DAB1: variants seen among roughly 807,000 people sequenced by gnomAD.
DAB1 encodes disabled homolog 1.
Under a neutral mutation model 64.6 loss-of-function variants are expected in DAB1, and 15 were observed. The ratio of observed to expected loss-of-function variants is 0.23; its 90% CI spans 0.16 to 0.36. The LOEUF is 0.36. DAB1 is among the 10% of genes least tolerant of loss of function. DAB1 has a pLI of 1.00. For missense variants in DAB1, 596 were observed against 706.7 expected, an observed-to-expected ratio of 0.84 and a Z score of 1.78; for synonymous variants, 235 against 251.9, an observed-to-expected ratio of 0.93 and a Z score of 0.64.
chr1:57,930,381 T>G (rs1644937489), intron 5 of DAB1, among the ~76,000 whole-genome samples: 1 of 152,224 alleles, frequency 6.6e-6, no homozygotes, highest in African/African-American at 2.4e-5. Context: ...CCTCACCATA[T>G]AAATGTTAGA....
intron 2 of DAB1, among the ~76,000 whole-genome samples, chr1:57,148,885 G>A (rs1220758057): frequency 1.3e-5 from 2 of 152,166 alleles, no homozygotes; most frequent in African/African-American, 4.8e-5. Context: ...CCATTTTAAA[G>A]TATAGAATCC....
chr1:58,210,726 C>T (rs1355920151), intron 4 of DAB1, among the ~76,000 whole-genome samples: 1 of 152,116 alleles, frequency 6.6e-6, no homozygotes, highest in East Asian at 1.9e-4. Flanking sequence ...TGTGCCAGTA[C>T]TTGTATTGAG....
At chr1:57,002,422 A>C (rs149572849) in intron 14 of DAB1, among the ~76,000 whole-genome samples, 1 of 152,348 alleles carries the variant, frequency 6.6e-6, no homozygotes, top group African/African-American at 2.4e-5. Context: ...ATTTGGGCTT[A>C]AGGTAAGTAA....
intron 2 of DAB1, among the ~76,000 whole-genome samples, chr1:57,197,307 G>C (rs1664703356): frequency 6.7e-6 from 1 of 148,506 alleles, no homozygotes; most frequent in Non-Finnish European, 1.5e-5. Context: ...TAGTGCCACT[G>C]CACTCCAGTC....
chr1:57,893,851 C>G (rs1440608227), intron 5 of DAB1, among the ~76,000 whole-genome samples: 1 of 152,118 alleles, frequency 6.6e-6, no homozygotes, highest in African/African-American at 2.4e-5. Context: ...AACTGGTGAT[C>G]AATACCTTTG....
intron 4 of DAB1, among the ~76,000 whole-genome samples, chr1:58,277,856 A>G (rs1557720990): frequency 6.6e-6 from 1 of 152,160 alleles, no homozygotes; most frequent in African/African-American, 2.4e-5. Flanking sequence ...CATGCTATCA[A>G]CATAACCCCC....
intron 2 of DAB1, among the ~76,000 whole-genome samples, chr1:57,257,735 C>G (rs1669875882): frequency 6.6e-6 from 1 of 152,190 alleles, no homozygotes; most frequent in South Asian, 2.1e-4. Context: ...GGGCCATACT[C>G]CCTCTGGGGG....
chr1:57,246,535 C>G lies in DAB1; in HGVS notation c.67+44429G>C, dbSNP rs541736571. Among the ~76,000 whole-genome samples, 8 of 152,314 alleles carry G rather than the reference C, an allele frequency of 5.3e-5. 1 individual carries two copies. In the South Asian group the frequency reaches 1.7e-3, roughly 32 times the overall value. On this transcript the variant is annotated intron_variant, in intron 2 of 14. Transcript: ENST00000371236. ...CAGGGACGGAGATCTCATGAAGAAC[C>G]TAGTGCAGAGGGAAAAAGTGGGGTT... is the stretch of plus-strand genomic sequence containing the variant.
At chr1:57,244,065 CTT>C (rs10596637) in intron 2 of DAB1, among the ~76,000 whole-genome samples, 84,388 of 151,768 alleles carry the variant, frequency 0.56, 24,016 homozygotes, top group Admixed American at 0.67. Context: ...CCTGGGAAAA[CTT>C]TTTATTTCCC....
chr1:58,125,657 G>C (rs1427345789), intron 5 of DAB1, among the ~76,000 whole-genome samples: 2 of 151,984 alleles, frequency 1.3e-5, no homozygotes, highest in Non-Finnish European at 2.9e-5. Flanking sequence ...TATTGCCCAG[G>C]CTGGTCTTGA....
intron 7 of DAB1, among the ~76,000 whole-genome samples, chr1:57,506,431 A>G (rs529953851): frequency 2.5e-4 from 38 of 152,360 alleles, no homozygotes; most frequent in African/African-American, 9.1e-4. Context: ...GTTTTACCAC[A>G]TGGGGTGAAG....
In DAB1 at chr1:57,291,170, C is replaced by G; in HGVS notation, c.-136-4G>C. 1 of 466,284 alleles carries G rather than the reference C, an allele frequency of 2.1e-6. No homozygotes were observed. Among genetic ancestry groups the G allele is most frequent in the South Asian group, 5.4e-5 (1 of 18,690 alleles). The allele number at this position is 466,284 out of a possible 1,614,324, so 28.9% of individuals were successfully genotyped here. On this transcript the variant is annotated splice_polypyrimidine_tract_variant and splice_region_variant and intron_variant, in intron 1 of 14. Coordinates refer to ENST00000371236, the MANE Select transcript of DAB1 (RefSeq NM_001365792.1). ...TTTCATTCACTCTTTTTGAGTGCTG[C>G]AAATCAAGGCAAGAGAACATTCAGA...
exon 2 of DAB1, chr1:58,527,316 T>C (rs1646367761): frequency 5.7e-6 from 5 of 872,196 alleles, no homozygotes; most frequent in East Asian, 2.4e-5. Context: ...TTTTCTGCTG[T>C]ATGGTCTATT....
At chr1:57,446,593 C>T (rs573807568) in intron 7 of DAB1, among the ~76,000 whole-genome samples, 33 of 93,822 alleles carry the variant, frequency 3.5e-4, no homozygotes, top group African/African-American at 1.2e-3. Context: ...AGCAAAACTC[C>T]GTTGCAAAAA....
intron 2 of DAB1, among the ~76,000 whole-genome samples, chr1:58,518,354 G>GAAGAGAAGAGAAGAGAAGAGAAGA (rs1428140129): frequency 1.2e-4 from 4 of 32,424 alleles, no homozygotes; most frequent in Non-Finnish European, 3.1e-4. Flanking sequence ...AGAAGAGAAG[G>GAAGAGAAGAGAAGAGAAGAGAAGA]GAAGGGAAGA....
At chr1:57,379,056 T>A (rs1681142700) in intron 1 of DAB1, among the ~76,000 whole-genome samples, 1 of 152,142 alleles carries the variant, frequency 6.6e-6, no homozygotes, top group Non-Finnish European at 1.5e-5. Flanking sequence ...AGTCTTTAAC[T>A]GTGCTGTGGG....
chr1:57,623,449 G>T (rs1320122174), intron 7 of DAB1, among the ~76,000 whole-genome samples: 2 of 152,132 alleles, frequency 1.3e-5, no homozygotes, highest in Non-Finnish European at 2.9e-5. Context: ...AACAATTAAG[G>T]GTCTTGTAAT....
At chr1:58,473,548 AT>A (rs753856618) in intron 3 of DAB1, among the ~76,000 whole-genome samples, 18,989 of 119,930 alleles carry the variant, frequency 0.16, 1,446 homozygotes, top group Middle Eastern at 0.19. Context: ...TCTCAAAAAA[AT>A]AAATAAATAA....
intron 7 of DAB1, among the ~76,000 whole-genome samples, chr1:57,498,418 G>A (rs1156230838): frequency 2.0e-5 from 3 of 152,142 alleles, no homozygotes; most frequent in Non-Finnish European, 4.4e-5. Context: ...GCCTGAAAGG[G>A]CACAAAGGAA....
Sources: allele counts gnomAD v4.1 joint callset (sites outside exome capture counted in the v4.1 genomes callset), GRCh38; gene constraint gnomAD v4.1.1; transcripts MANE v1.5; gene names NCBI Gene and HGNC (gene_info 2026-07-23, HGNC 2026-07-21).